Variants in CDHR3 observed in about 807,000 individuals in gnomAD.
CDHR3 encodes cadherin related family member 3.
A neutral mutation model predicts 86.6 loss-of-function variants in CDHR3; 79 were observed. That is an observed-to-expected ratio of 0.91 (90% CI 0.76 to 1.10). CDHR3 has a LOEUF of 1.10. Ranked by LOEUF, CDHR3 falls within the 50% of genes least tolerant of loss-of-function variation. CDHR3 has a pLI of 0.00. For missense variants in CDHR3, 1,081 were observed against 1,077.6 expected (o/e 1.00, Z -0.04); for synonymous variants, 421 against 402.4 (o/e 1.05, Z -0.55).
At chr7:105,977,169 C>A (rs556436965) in intron 2 of CDHR3, among the ~76,000 whole-genome samples, 1 of 152,042 alleles carries the variant, frequency 6.6e-6, no homozygotes, top group Non-Finnish European at 1.5e-5. Context: ...ATGTTTTATT[C>A]CTGTTTTAGA....
chr7:105,988,197 G>A (rs1175803066), intron 4 of CDHR3, among the ~76,000 whole-genome samples: 4 of 152,154 alleles, frequency 2.6e-5, no homozygotes, highest in African/African-American at 7.2e-5. Context: ...TGGAAACACC[G>A]GTTTATAAGT....
intron 6 of CDHR3, among the ~76,000 whole-genome samples, chr7:105,998,053 G>C (rs1025084618): frequency 6.6e-6 from 1 of 152,106 alleles, no homozygotes; most frequent in African/African-American, 2.4e-5. Flanking sequence ...CAGGGTGGCT[G>C]CCCAGGCTTG....
Position 106,022,385 on chromosome 7 carries a change from A to T in CDHR3, c.2013A>T (p.Gly671=). The T allele has an allele frequency of 1.2e-6, 2 of 1,614,016 alleles. No homozygotes were observed. Among genetic ancestry groups the T allele is most frequent in the Non-Finnish European group, 1.7e-6 (2 of 1,179,890 alleles). Reference sequence around the variant, plus strand: ...AAGCGGAGGCTCTTGTTGAGACAGGAACAGTGACACTGAGTATTAAAGTCA... The same window carrying T: ...AAGCGGAGGCTCTTGTTGAGACAGGTACAGTGACACTGAGTATTAAAGTCA... ...RKKAEALVET[G]TVTLSIKVIP... Residue 671 remains glycine (G), a synonymous_variant, in exon 14 of 19, where the codon GGA becomes GGT. Transcript: ENST00000317716.
At chr7:105,972,363 G>A (rs1476267533) in intron 1 of CDHR3, among the ~76,000 whole-genome samples, 2 of 152,168 alleles carry the variant, frequency 1.3e-5, no homozygotes, top group Non-Finnish European at 2.9e-5. Context: ...GAAAAACATA[G>A]CAAGTTCTAA....
rs1489198657 is a variant in CDHR3 at position 106,036,068 on chromosome 7, A to G, written c.*3371A>G. 1 of 152,226 alleles carries G rather than the reference A, an allele frequency of 6.6e-6. No individual in the cohort carries two copies. Among genetic ancestry groups the G allele is most frequent in the Non-Finnish European group, 1.5e-5 (1 of 68,044 alleles). 9.4% of individuals were successfully genotyped at this position (152,226 alleles called of 1,614,324 possible). On this transcript the variant is annotated 3_prime_UTR_variant, in exon 19 of 19. Transcript: ENST00000317716. The stretch of plus-strand genomic sequence containing the variant: ...AAAACTGGGGTAAATACGTTCAGGA[A>G]TTAGACCACGTAACAATTATAATTG...
At chr7:106,031,552 C>T (rs1838366747) in intron 18 of CDHR3, among the ~76,000 whole-genome samples, 1 of 152,248 alleles carries the variant, frequency 6.6e-6, no homozygotes, top group Admixed American at 6.5e-5. Flanking sequence ...TGGCTCCTCT[C>T]CAGTGAGAGG....
intron 6 of CDHR3, 101 bp downstream of exon 6, chr7:105,996,455 T>A: frequency 1.6e-6 from 1 of 610,132 alleles, no homozygotes. Context: ...AGGGATGCCC[T>A]TTGCTGTGGC....
chr7:106,026,604 A>G, intron 15 of CDHR3, 78 bp from the exon 16 acceptor site: 1 of 1,506,760 alleles, frequency 6.6e-7, no homozygotes, highest in Admixed American at 1.7e-5. Context: ...AGTTGCCCAA[A>G]GAACCCCATG....
At chr7:105,995,233 G>A (rs745872691) in intron 5 of CDHR3, among the ~76,000 whole-genome samples, 6 of 152,182 alleles carry the variant, frequency 3.9e-5, no homozygotes, top group Non-Finnish European at 7.3e-5. Flanking sequence ...ACTCTCCTTA[G>A]ACCTCTTGCT....
At position 105,989,104 on chromosome 7, in the gene CDHR3, G is replaced by A. The variant is rs973988125; in HGVS notation, c.513+4815G>A. ...CTTCTGTGTTGTGGTGGGCATGCAG[G>A]TAGAGCCGGGGCTTGGCTTGGAGGT... On this transcript the variant is annotated intron_variant, in intron 4 of 18. Coordinates refer to ENST00000317716, the MANE Select transcript of CDHR3 (RefSeq NM_152750.5). Among the ~76,000 whole-genome samples the A allele has an allele frequency of 3.3e-5, 5 of 152,182 alleles. No homozygotes were observed. The East Asian group carries it at 9.7e-4, about 29-fold the overall frequency.
intron 4 of CDHR3, among the ~76,000 whole-genome samples, chr7:105,994,110 G>A (rs997335782): frequency 3.3e-5 from 5 of 152,122 alleles, no homozygotes; most frequent in African/African-American, 1.2e-4. Flanking sequence ...TGTTCCTTCA[G>A]GCATTTCAAT....
At chr7:106,006,218 G>A (rs1833924216) in intron 8 of CDHR3, among the ~76,000 whole-genome samples, 1 of 152,084 alleles carries the variant, frequency 6.6e-6, no homozygotes, top group Non-Finnish European at 1.5e-5. Context: ...CTCCTACCAG[G>A]TCCCTCCCAC....
At chr7:106,015,516 G>C (rs1010510452) in intron 10 of CDHR3, among the ~76,000 whole-genome samples, 1 of 151,752 alleles carries the variant, frequency 6.6e-6, no homozygotes, top group Non-Finnish European at 1.5e-5. Context: ...TAATTCTCCA[G>C]CTTCACCTCC....
rs1361616369 is a variant in CDHR3 at position 105,991,588 on chromosome 7, T to C, written c.514-3163T>C. 2.7e-4 allele frequency among the ~76,000 whole-genome samples: 41 copies of C among 152,232 alleles called. 3 individuals are homozygous for C. Among genetic ancestry groups the C allele is most frequent in the Admixed American group, 2.7e-3 (41 of 15,290 alleles). ...GATTTTAAAGCCAAGTCTAGCATTA[T>C]TACATTCAAATATTTTTAAAAAATG... On this transcript the variant is annotated intron_variant, in intron 4 of 18. Coordinates refer to ENST00000317716, the MANE Select transcript of CDHR3 (RefSeq NM_152750.5).
chr7:106,001,957 G>A (rs763447716), intron 7 of CDHR3, among the ~76,000 whole-genome samples: 1 of 152,318 alleles, frequency 6.6e-6, no homozygotes, highest in Non-Finnish European at 1.5e-5. Context: ...TAAATCCTCA[G>A]TTGGTTGAAT....
chr7:106,018,205 G>A, intron 12 of CDHR3, 133 bp downstream of exon 12: 1 of 674,376 alleles, frequency 1.5e-6, no homozygotes, highest in South Asian at 1.9e-5. Context: ...TGAGAAACAA[G>A]TAAAGGTGCC....
chr7:105,974,813 C>T, intron 1 of CDHR3, 31 bp from the exon 2 acceptor site: 1 of 1,576,464 alleles, frequency 6.3e-7, no homozygotes, highest in Non-Finnish European at 8.7e-7. Flanking sequence ...GCTTTGTGTT[C>T]ATGTCATCCT....
intron 8 of CDHR3, among the ~76,000 whole-genome samples, chr7:106,006,233 T>G (rs1302631930): frequency 6.6e-6 from 1 of 152,090 alleles, no homozygotes. Context: ...TCCCACAACA[T>G]GTAGGAATTC....
intron 9 of CDHR3, among the ~76,000 whole-genome samples, chr7:106,013,889 A>C (rs1835178499): frequency 1.3e-5 from 2 of 152,178 alleles, no homozygotes; most frequent in Non-Finnish European, 2.9e-5. Context: ...AGTTTGGTAC[A>C]TGTCCTTCTT....
Sources: gnomAD v4.1 joint callset for allele counts (sites outside exome capture counted in the v4.1 genomes callset) on GRCh38, gnomAD v4.1.1 for gene constraint, MANE v1.5 for transcripts, NCBI Gene and HGNC (gene_info 2026-07-23, HGNC 2026-07-21) for gene names.